RAB27A: variants seen among roughly 807,000 people sequenced by gnomAD.
The protein encoded by RAB27A is RAB27A, member RAS oncogene family.
RAB27A carries 17 observed loss-of-function variants against 20.8 expected under a neutral mutation model. That is an observed-to-expected ratio of 0.82 (90% CI 0.56 to 1.23). RAB27A has a LOEUF of 1.23. RAB27A is among the 50% of genes most tolerant of loss of function. The pLI, the probability that RAB27A is intolerant of heterozygous loss-of-function variation, is 0.00. For synonymous variants in RAB27A, 85 were observed against 92.8 expected, an observed-to-expected ratio of 0.92 and a Z score of 0.48; for missense variants, 277 against 266.7, an observed-to-expected ratio of 1.04 and a Z score of -0.27.
At chr15:55,250,371 A>G (rs371127602) in intron 2 of RAB27A, among the ~76,000 whole-genome samples, 1 of 152,348 alleles carries the variant, frequency 6.6e-6, no homozygotes, top group Non-Finnish European at 1.5e-5. Context: ...CTACTTTGTT[A>G]AGCTATTTAT....
chr15:55,273,417 AAAAAT>A (rs1455997958), intron 1 of RAB27A, among the ~76,000 whole-genome samples: 2 of 150,696 alleles, frequency 1.3e-5, no homozygotes, highest in African/African-American at 4.9e-5. Context: ...TCAAAAAAAA[AAAAAT>A]AAAAATAAAA....
intron 2 of RAB27A, among the ~76,000 whole-genome samples, chr15:55,239,940 C>A (rs73409882): frequency 0.01 from 1,591 of 152,184 alleles, 36 homozygotes; most frequent in African/African-American, 0.037. Context: ...AGTGGAATTA[C>A]CCCATCTTTC....
At chr15:55,269,291 G>A (rs1016888934) in intron 2 of RAB27A, among the ~76,000 whole-genome samples, 2 of 151,960 alleles carry the variant, frequency 1.3e-5, no homozygotes, top group East Asian at 3.8e-4. Flanking sequence ...CTTTCACTCC[G>A]GCATACTTCA....
At chr15:55,253,338 C>A (rs147051468) in intron 2 of RAB27A, among the ~76,000 whole-genome samples, 2,922 of 149,526 alleles carry the variant, frequency 0.02, 90 homozygotes, top group African/African-American at 0.068. Context: ...TTCCAGCTAC[C>A]CCAGAGGCTA....
intron 2 of RAB27A, among the ~76,000 whole-genome samples, chr15:55,242,890 G>A (rs897534862): frequency 4.6e-5 from 7 of 152,224 alleles, no homozygotes; most frequent in Non-Finnish European, 1.0e-4. Flanking sequence ...TAGATCTCAT[G>A]TCTCCTAAAT....
intron 2 of RAB27A, among the ~76,000 whole-genome samples, chr15:55,300,774 G>A (rs114925695): frequency 6.6e-6 from 1 of 152,192 alleles, no homozygotes; most frequent in African/African-American, 2.4e-5. Flanking sequence ...AAGAACTAGT[G>A]GATAGAAGGC....
chr15:55,274,043 A>G (rs1451085036), intron 1 of RAB27A, among the ~76,000 whole-genome samples: 1 of 152,224 alleles, frequency 6.6e-6, no homozygotes, highest in East Asian at 1.9e-4. Context: ...AATCATATTA[A>G]TTATCTTTTC....
At chr15:55,318,944 GCGCCTGCTCCACGTCACTAAACTCGCTAC>G in exon 1 of RAB27A, 1 of 331,708 alleles carries the variant, frequency 3.0e-6, no homozygotes, top group South Asian at 4.7e-5. Context: ...CGACTGTTCT[GCGCCTGCTCCACGTCACTAAACTCGCTAC>G]CGCCTGCTCC....
intron 6 of RAB27A, among the ~76,000 whole-genome samples, chr15:55,206,908 A>T (rs1314216618): frequency 2.6e-5 from 4 of 152,210 alleles, no homozygotes; most frequent in Non-Finnish European, 1.5e-5. Context: ...GCCGAAATAC[A>T]TGGCATTTCA....
At chr15:55,314,095 G>A (rs2055032938) in exon 2 of RAB27A, 2 of 150,192 alleles carry the variant, frequency 1.3e-5, no homozygotes, top group South Asian at 4.2e-4. Flanking sequence ...ACCTGGGTGG[G>A]AGAGGTTGCA....
chr15:55,291,292 C>T (rs766418748), upstream of RAB27A, among the ~76,000 whole-genome samples: 7 of 152,162 alleles, frequency 4.6e-5, no homozygotes, highest in South Asian at 2.1e-4. Flanking sequence ...CGGCAGATCA[C>T]GAAGTCAGGA....
intron 1 of RAB27A, among the ~76,000 whole-genome samples, chr15:55,283,864 C>T (rs1898081899): frequency 6.6e-6 from 1 of 152,104 alleles, no homozygotes. Context: ...CTGATTTAGA[C>T]CTTGACTTTG....
Position 55,228,619 on chromosome 15 carries a change from T to G in RAB27A, c.333A>C (p.Arg111Ser), listed in dbSNP as rs1284959303. 3 of 1,599,272 alleles carry G rather than the reference T, an allele frequency of 1.9e-6. No individual in the cohort carries two copies. Among genetic ancestry groups the G allele is most frequent in the Admixed American group, 3.3e-5 (2 of 59,972 alleles). The change falls in exon 5 of 7, where the codon AGA becomes AGC. Residue 111 changes from arginine to serine, a missense_variant. Transcript: ENST00000336787. ...LTNEQSFLNV[R>S]NWISQLQMHA... ...AACAATAACACTTACTTATCCAGTT[T>G]CTGACATTGAGGAAACTTTGCTCAT... is the stretch of plus-strand genomic sequence containing the variant.
intron 2 of RAB27A, among the ~76,000 whole-genome samples, chr15:55,246,584 C>T (rs1357257148): frequency 2.0e-5 from 3 of 151,440 alleles, no homozygotes; most frequent in Non-Finnish European, 4.4e-5. Context: ...GTGACAAGTA[C>T]CCCTTGCTCC....
chr15:55,314,400 C>G (rs1433554444), intron 1 of RAB27A, among the ~76,000 whole-genome samples: 1 of 152,230 alleles, frequency 6.6e-6, no homozygotes, highest in South Asian at 2.1e-4. Flanking sequence ...TCATATTCAA[C>G]ACAGTACTGG....
At chr15:55,248,610 G>A (rs1269695427) in intron 2 of RAB27A, among the ~76,000 whole-genome samples, 2 of 152,162 alleles carry the variant, frequency 1.3e-5, no homozygotes, top group Non-Finnish European at 2.9e-5. Context: ...TCACCATAAT[G>A]TTAATGAAAA....
chr15:55,289,576 G>C (rs35720996), intron 1 of RAB27A, 140 bp downstream of exon 1: 6,643 of 147,980 alleles, frequency 0.045, 227 homozygotes, highest in Middle Eastern at 0.058. Context: ...CTCTTCAGGC[G>C]GGCTCGGGCG....
intron 1 of RAB27A, among the ~76,000 whole-genome samples, chr15:55,277,518 T>G (rs575418964): frequency 4.6e-4 from 70 of 152,290 alleles, no homozygotes; most frequent in African/African-American, 1.5e-3. Context: ...AATTTATATT[T>G]CCTTCTCCCT....
chr15:55,240,082 T>C (rs1028269725), intron 2 of RAB27A, among the ~76,000 whole-genome samples: 1 of 152,224 alleles, frequency 6.6e-6, no homozygotes, highest in African/African-American at 2.4e-5. Flanking sequence ...ATTGATGGTA[T>C]ATTTTCATAT....
Sources: allele counts gnomAD v4.1 joint callset (sites outside exome capture counted in the v4.1 genomes callset), GRCh38; gene constraint gnomAD v4.1.1; transcripts MANE v1.5; gene names NCBI Gene and HGNC (gene_info 2026-07-23, HGNC 2026-07-21).